KDR: variants seen among roughly 807,000 people sequenced by gnomAD.
The protein encoded by KDR is vascular endothelial growth factor receptor 2.
In KDR, 43 loss-of-function variants were observed where a neutral mutation model predicts 160.9. That is an observed-to-expected ratio of 0.27 (90% CI 0.21 to 0.34). KDR has a LOEUF of 0.34. Ranked by LOEUF, KDR falls within the 10% of genes least tolerant of loss-of-function variation. The pLI, the probability that KDR is intolerant of heterozygous loss-of-function variation, is 1.00. For synonymous variants in KDR, 617 were observed against 600.1 expected, an observed-to-expected ratio of 1.03 and a Z score of -0.41; for missense variants, 1,469 against 1,666.4, an observed-to-expected ratio of 0.88 and a Z score of 2.06.
At chr4:55,089,006 C>A (rs746178395) in intron 25 of KDR, 33 bp from the exon 26 acceptor site, 21 of 1,432,570 alleles carry the variant, frequency 1.5e-5, no homozygotes, top group African/African-American at 4.2e-5. Context: ...TCATTAAATG[C>A]CTCTTTCTTC....
At chr4:55,125,130 C>T in intron 1 of KDR, 97 bp downstream of exon 1, 1 of 1,144,036 alleles carries the variant, frequency 8.7e-7, no homozygotes, top group Non-Finnish European at 1.3e-6. Context: ...TCCTGTCCAA[C>T]TCTCCAGCTC....
rs542569626 is a variant in KDR at position 55,087,495 on chromosome 4, T to A, written c.3662+112A>T. On this transcript the variant is annotated intron_variant, in intron 27 of 29. Coordinates refer to ENST00000263923, the MANE Select transcript of KDR (RefSeq NM_002253.4). ...TGTTAACCTCAGGGCTAAGGTTATG[T>A]GGAAGTGGGATGCAACAGCCTTAGA... The A allele has an allele frequency of 2.6e-5, 24 of 931,816 alleles. 1 individual carries two copies. The South Asian group carries it at 3.4e-4, about 13-fold the overall frequency. The allele number at this position is 931,816 out of a possible 1,614,324, so 57.7% of individuals were successfully genotyped here. A position where few individuals can be genotyped will look rare whatever the true frequency, so the allele number is the denominator to read the frequency against.
In KDR at chr4:55,094,832, TCTC is replaced by T. The variant is rs1394396368; in HGVS notation, c.2938_2940del (p.Glu980del). 2.5e-6 allele frequency: 4 copies of T among 1,613,940 alleles called. No homozygotes were observed. The highest frequency in any genetic ancestry group is 2.2e-5 in the East Asian group (1 of 44,860). The stretch of plus-strand genomic sequence containing the variant: ...TCTTCTTCTACATCACTGAGGGACT[TCTC>T]CTCCACAAATCCAGAGCTGGCTGAG... On this transcript the variant is annotated inframe_deletion, in exon 21 of 30. Transcript: ENST00000263923.
chr4:55,109,977 A>G (rs1332909325), intron 9 of KDR, among the ~76,000 whole-genome samples: 1 of 152,212 alleles, frequency 6.6e-6, no homozygotes, highest in African/African-American at 2.4e-5. Context: ...ACGTGCCTGC[A>G]CATCTCTGAT....
intron 15 of KDR, among the ~76,000 whole-genome samples, chr4:55,099,047 T>C (rs1720242020): frequency 6.6e-6 from 1 of 151,770 alleles, no homozygotes; most frequent in Admixed American, 6.6e-5. Flanking sequence ...ACAGGGTTTC[T>C]TTCTATGTTC....
chr4:55,125,083 T>G, intron 1 of KDR, 144 bp downstream of exon 1: 1 of 800,364 alleles, frequency 1.2e-6, no homozygotes, highest in Admixed American at 2.0e-5. Flanking sequence ...GAGCCTCAGT[T>G]TCCCCACTGG....
intron 27 of KDR, among the ~76,000 whole-genome samples, chr4:55,082,852 G>A (rs1466914689): frequency 3.3e-5 from 5 of 152,164 alleles, no homozygotes; most frequent in Non-Finnish European, 7.3e-5. Flanking sequence ...GAGGAGTCTC[G>A]ATGAGCCTGT....
intron 13 of KDR, among the ~76,000 whole-genome samples, chr4:55,103,892 CACAG>C (rs199942336): frequency 0.014 from 2,067 of 152,016 alleles, 49 homozygotes; most frequent in African/African-American, 0.048. Flanking sequence ...CTGATTTTCC[CACAG>C]ACAAAGCCAT....
At chr4:55,115,215 T>C in intron 4 of KDR, 66 bp downstream of exon 4, 1 of 1,390,760 alleles carries the variant, frequency 7.2e-7, no homozygotes, top group Non-Finnish European at 1.0e-6. Context: ...ATAAACAGGT[T>C]ACCCATCTTA....
intron 28 of KDR, 81 bp from the exon 29 acceptor site, chr4:55,082,122 C>A: frequency 1.0e-6 from 1 of 992,522 alleles, no homozygotes; most frequent in Non-Finnish European, 1.6e-6. Flanking sequence ...TTTCTCAACC[C>A]ATCTATCATG....
chr4:55,112,894 C>G (rs1720631007), intron 7 of KDR, among the ~76,000 whole-genome samples: 1 of 152,138 alleles, frequency 6.6e-6, no homozygotes, highest in African/African-American at 2.4e-5. Context: ...TCCCCCAATC[C>G]CTGAGTTGCT....
chr4:55,097,552 T>C (rs1313043504), intron 18 of KDR, 110 bp downstream of exon 18: 1 of 743,380 alleles, frequency 1.3e-6, no homozygotes, highest in African/African-American at 1.7e-5. Context: ...GCTGACTGCA[T>C]GTGTGGCTAG....
rs189677709 is a variant in KDR at position 55,102,640 on chromosome 4, C to G, written c.1988-132G>C. The G allele has an allele frequency of 9.9e-3, 8,648 of 869,542 alleles. 99 individuals are homozygous for G. The highest frequency in any genetic ancestry group is 0.031 in the South Asian group (2,085 of 68,346). 53.9% of individuals were successfully genotyped at this position (869,542 alleles called of 1,614,324 possible). A position where few individuals can be genotyped will look rare whatever the true frequency, so the allele number is the denominator to read the frequency against. ...TGATATATTAACTTCTGGGAAAATA[C>G]ACTGGTCACTGGGTAAAGTTAAATG... is the stretch of plus-strand genomic sequence containing the variant. On this transcript the variant is annotated intron_variant, in intron 13 of 29. Coordinates refer to ENST00000263923, the MANE Select transcript of KDR (RefSeq NM_002253.4).
At chr4:55,118,913 G>T in intron 2 of KDR, 113 bp from the exon 3 acceptor site, 1 of 862,766 alleles carries the variant, frequency 1.2e-6, no homozygotes, top group Non-Finnish European at 1.9e-6. Context: ...AACAGACACA[G>T]TCAGTCTTCT....
At chr4:55,089,824 A>T (rs775509748) in intron 23 of KDR, 22 bp from the exon 24 acceptor site, 1 of 1,610,760 alleles carries the variant, frequency 6.2e-7, no homozygotes, top group Non-Finnish European at 8.5e-7. Flanking sequence ...GAAGACAAGG[A>T]TTCAGAACCC....
chr4:55,108,454 T>A (rs994460420), intron 9 of KDR, among the ~76,000 whole-genome samples: 24 of 152,284 alleles, frequency 1.6e-4, no homozygotes, highest in Middle Eastern at 3.4e-3. Context: ...CATGAATTCA[T>A]TCACTTAATC....
chr4:55,108,776 C>T (rs576514571), intron 9 of KDR, among the ~76,000 whole-genome samples: 1 of 151,984 alleles, frequency 6.6e-6, no homozygotes, highest in African/African-American at 2.4e-5. Flanking sequence ...TTTCTTCTCT[C>T]CCTTTTTCCT....
chr4:55,098,574 T>C (rs1720221413), intron 16 of KDR, 123 bp downstream of exon 16: 3 of 802,330 alleles, frequency 3.7e-6, no homozygotes, highest in South Asian at 2.9e-5. Context: ...CGTTATTGTA[T>C]TGAAATAAAA....
intron 1 of KDR, among the ~76,000 whole-genome samples, chr4:55,123,483 T>C (rs1430970789): frequency 6.6e-6 from 1 of 152,230 alleles, no homozygotes; most frequent in Non-Finnish European, 1.5e-5. Context: ...AAAAGGTATG[T>C]CCTTCATTCA....
Sources: gnomAD v4.1 joint callset for allele counts (sites outside exome capture counted in the v4.1 genomes callset) on GRCh38, gnomAD v4.1.1 for gene constraint, MANE v1.5 for transcripts, NCBI Gene and HGNC (gene_info 2026-07-23, HGNC 2026-07-21) for gene names.